The following ENOX1 variants were observed in gnomAD, a reference collection of about 807,000 sequenced individuals.
The protein encoded by ENOX1 is candidate growth-related and time keeping constitutive hydroquinone (NADH) oxidase.
ENOX1 carries 42 observed loss-of-function variants against 82.5 expected under a neutral mutation model. The ratio of observed to expected loss-of-function variants is 0.51; its 90% CI spans 0.40 to 0.66. ENOX1 has a LOEUF of 0.66. Ranked by LOEUF, ENOX1 falls within the 30% of genes least tolerant of loss-of-function variation. ENOX1 has a pLI of 0.00. For missense variants in ENOX1, 608 were observed against 811.6 expected, an observed-to-expected ratio of 0.75 and a Z score of 3.05; for synonymous variants, 271 against 282.2, an observed-to-expected ratio of 0.96 and a Z score of 0.40.
intron 12 of ENOX1, among the ~76,000 whole-genome samples, chr13:43,285,508 C>T (rs550601938): frequency 6.6e-6 from 1 of 152,202 alleles, no homozygotes; most frequent in African/African-American, 2.4e-5. Context: ...AAAACTGCTA[C>T]TCCCACCTAT....
At chr13:43,648,312 G>A (rs2083995120) in intron 2 of ENOX1, among the ~76,000 whole-genome samples, 1 of 152,084 alleles carries the variant, frequency 6.6e-6, no homozygotes, top group South Asian at 2.1e-4. Flanking sequence ...ACTGTTCTTT[G>A]GGCTACAGAA....
intron 2 of ENOX1, among the ~76,000 whole-genome samples, chr13:43,617,149 A>C (rs1448856499): frequency 1.3e-5 from 2 of 152,226 alleles, no homozygotes; most frequent in Non-Finnish European, 2.9e-5. Flanking sequence ...ATACAGTTAA[A>C]GTAGCTGTGC....
intron 2 of ENOX1, among the ~76,000 whole-genome samples, chr13:43,488,061 T>C (rs905663279): frequency 6.6e-6 from 1 of 152,184 alleles, no homozygotes; most frequent in Non-Finnish European, 1.5e-5. Context: ...ACCCATACAA[T>C]ATTGTACTGA....
rs2043181607 is a variant in ENOX1 at position 43,247,852 on chromosome 13, TATATATATATATATATATA to T, written c.1612-11133_1612-11115del. ...ACATATATATATATATATATATATATATATATATATATATATATATATATATATATATTTTTTTTTTTTT... is the reference window on the plus strand; with the variant it reads ...ACATATATATATATATATATATATATTATATATATATATTTTTTTTTTTTT... On this transcript the variant is annotated intron_variant, in intron 14 of 16. Coordinates refer to ENST00000690772, the MANE Select transcript of ENOX1 (RefSeq NM_001347969.2). Among the ~76,000 whole-genome samples the T allele has an allele frequency of 6.0e-3, 17 of 2,826 alleles. 1 individual carries two copies. Among genetic ancestry groups the T allele is most frequent in the South Asian group, 0.045 (1 of 22 alleles). 1.9% of individuals were successfully genotyped at this position (2,826 alleles called of 152,430 possible).
chr13:43,737,095 TATACTTTCCAATA>T (rs1201369698), intron 1 of ENOX1, among the ~76,000 whole-genome samples: 1 of 152,216 alleles, frequency 6.6e-6, no homozygotes, highest in Non-Finnish European at 1.5e-5. Context: ...CATTGCACCT[TATACTTTCCAATA>T]CCAAGGCAAT....
chr13:43,692,194 C>A (rs1230232873), intron 1 of ENOX1, among the ~76,000 whole-genome samples: 2 of 152,068 alleles, frequency 1.3e-5, no homozygotes, highest in African/African-American at 2.4e-5. Flanking sequence ...GGAAAAGCCA[C>A]GGATTCTGAA....
At chr13:43,244,470 G>A (rs1474984075) in intron 14 of ENOX1, among the ~76,000 whole-genome samples, 2 of 151,970 alleles carry the variant, frequency 1.3e-5, no homozygotes, top group East Asian at 3.8e-4. Flanking sequence ...CAAAAATAGT[G>A]GATATTTTCT....
intron 1 of ENOX1, among the ~76,000 whole-genome samples, chr13:43,687,350 C>T (rs927100289): frequency 5.9e-5 from 9 of 152,132 alleles, no homozygotes; most frequent in African/African-American, 1.7e-4. Flanking sequence ...TCATATTGGA[C>T]GGGGGAATGG....
intron 14 of ENOX1, among the ~76,000 whole-genome samples, chr13:43,247,495 T>C (rs757754735): frequency 6.6e-6 from 1 of 152,000 alleles, no homozygotes; most frequent in Non-Finnish European, 1.5e-5. Context: ...CAGGAGATTT[T>C]TCATGGTAGT....
At chr13:43,447,971 G>A (rs1483043934) in intron 3 of ENOX1, among the ~76,000 whole-genome samples, 5 of 152,196 alleles carry the variant, frequency 3.3e-5, no homozygotes, top group Non-Finnish European at 2.9e-5. Flanking sequence ...AGTCCTAGCC[G>A]TGGTTCCTGA....
chr13:43,227,992 G>A (rs890070945), intron 15 of ENOX1, among the ~76,000 whole-genome samples: 7 of 150,800 alleles, frequency 4.6e-5, no homozygotes, highest in East Asian at 2.0e-4. Context: ...CACCACAGAA[G>A]CATCAGTCAT....
At chr13:43,680,606 T>C (rs1228996016) in intron 1 of ENOX1, among the ~76,000 whole-genome samples, 1 of 152,210 alleles carries the variant, frequency 6.6e-6, no homozygotes, top group African/African-American at 2.4e-5. Flanking sequence ...GCAAGTTATT[T>C]AACCTCTCTG....
At chr13:43,734,681 A>G (rs1176167911) in intron 1 of ENOX1, among the ~76,000 whole-genome samples, 1 of 152,114 alleles carries the variant, frequency 6.6e-6, no homozygotes, top group African/African-American at 2.4e-5. Flanking sequence ...GGCAATGACA[A>G]CTCTCTATCA....
intron 12 of ENOX1, 21 bp downstream of exon 12, chr13:43,298,325 A>AAT: frequency 6.4e-7 from 1 of 1,572,218 alleles, no homozygotes; most frequent in Non-Finnish European, 8.6e-7. Flanking sequence ...CAAAAAAAAA[A>AAT]AAAAAATCTG....
chr13:43,259,993 G>A (rs1310320980), intron 14 of ENOX1, among the ~76,000 whole-genome samples: 1 of 152,092 alleles, frequency 6.6e-6, no homozygotes, highest in South Asian at 2.1e-4. Context: ...TTTTTGCCTT[G>A]TTTGGTACAT....
intron 14 of ENOX1, among the ~76,000 whole-genome samples, chr13:43,243,572 G>A (rs2042942110): frequency 6.6e-6 from 1 of 152,176 alleles, no homozygotes; most frequent in East Asian, 1.9e-4. Context: ...ACAGGCATGA[G>A]CCACTGCACC....
intron 2 of ENOX1, among the ~76,000 whole-genome samples, chr13:43,607,888 G>C (rs1472131476): frequency 6.6e-6 from 1 of 152,184 alleles, no homozygotes; most frequent in Non-Finnish European, 1.5e-5. Flanking sequence ...CCTGTGAAAT[G>C]TCTGTGGTCT....
intron 1 of ENOX1, among the ~76,000 whole-genome samples, chr13:43,713,030 TATG>T (rs574438438): frequency 0.016 from 2,365 of 152,280 alleles, 18 homozygotes; most frequent in Middle Eastern, 0.024. Flanking sequence ...GCCCATTCAG[TATG>T]ATATTGGCTG....
intron 2 of ENOX1, among the ~76,000 whole-genome samples, chr13:43,493,799 A>C (rs1468990090): frequency 3.3e-5 from 5 of 152,204 alleles, no homozygotes; most frequent in Non-Finnish European, 5.9e-5. Flanking sequence ...TTTACCAGCT[A>C]TCTGGGTATC....
Sources: allele counts gnomAD v4.1 joint callset (sites outside exome capture counted in the v4.1 genomes callset), GRCh38; gene constraint gnomAD v4.1.1; transcripts MANE v1.5; gene names NCBI Gene and HGNC (gene_info 2026-07-23, HGNC 2026-07-21).